Variants in CFAP44 observed in about 807,000 individuals in gnomAD.
The protein encoded by CFAP44 is cilia- and flagella-associated protein 44.
In CFAP44, 134 loss-of-function variants were observed where a neutral mutation model predicts 216.2. The observed-to-expected ratio is 0.62, with a 90% CI of 0.54 to 0.72. The LOEUF is 0.72. Among genes scored for constraint, CFAP44 ranks in the 30% least tolerant of loss-of-function variants. The pLI, the probability that CFAP44 is intolerant of heterozygous loss-of-function variation, is 0.00. For synonymous variants in CFAP44, 700 were observed against 727.6 expected (o/e 0.96, Z 0.61); for missense variants, 2,035 against 2,182.1 (o/e 0.93, Z 1.34).
intron 4 of CFAP44, among the ~76,000 whole-genome samples, chr3:113,422,239 AG>A (rs1411871345): frequency 6.6e-6 from 1 of 152,198 alleles, no homozygotes; most frequent in Admixed American, 6.5e-5. Context: ...GGATCATTGG[AG>A]GAATTTGTAT....
At chr3:113,349,053 A>T (rs1456601302) in intron 22 of CFAP44, among the ~76,000 whole-genome samples, 2 of 152,294 alleles carry the variant, frequency 1.3e-5, no homozygotes, top group Non-Finnish European at 2.9e-5. Flanking sequence ...CACCACTGGG[A>T]CCTCGACTCA....
At chr3:113,310,222 C>T (rs1385402797) in intron 28 of CFAP44, among the ~76,000 whole-genome samples, 3 of 152,156 alleles carry the variant, frequency 2.0e-5, no homozygotes, top group Non-Finnish European at 2.9e-5. Flanking sequence ...GACTTCCACT[C>T]CCAAGGTCAG....
intron 24 of CFAP44, among the ~76,000 whole-genome samples, chr3:113,337,733 G>C (rs1950292542): frequency 6.6e-6 from 1 of 152,068 alleles, no homozygotes; most frequent in Non-Finnish European, 1.5e-5. Flanking sequence ...AGAGTAATTG[G>C]ACATCCGTAA....
Position 113,291,618 on chromosome 3 carries a change from C to T in CFAP44, c.5504G>A (p.Ser1835Asn). 1 of 1,537,208 alleles carries T rather than the reference C, an allele frequency of 6.5e-7. No individual in the cohort carries two copies. The highest frequency in any genetic ancestry group is 8.7e-7 in the Non-Finnish European group (1 of 1,146,910). Reference protein sequence around the residue: ...EEIALLRRKGSLILPPIQSPR... With the variant: ...EEIALLRRKGNLILPPIQSPR... ...AGACTGAATGGGTGGGAGGATAAGACTGCCTTTCCTACGCAAAAGAGCAAT... is the reference window on the plus strand; with the variant it reads ...AGACTGAATGGGTGGGAGGATAAGATTGCCTTTCCTACGCAAAAGAGCAAT... The change falls in exon 35 of 35, where the codon AGT becomes AAT. Residue 1835 changes from serine to asparagine, a missense_variant. By Grantham distance (46) the Ser-to-Asn change is conservative. Coordinates refer to ENST00000393845, the MANE Select transcript of CFAP44 (RefSeq NM_001164496.2).
chr3:113,397,488 G>A (rs1350868680), intron 13 of CFAP44: 1 of 152,216 alleles, frequency 6.6e-6, no homozygotes, highest in Non-Finnish European at 1.5e-5. Flanking sequence ...GGGGGAAGTG[G>A]TAGTGACATG....
chr3:113,323,582 A>T (rs1033929066), intron 28 of CFAP44, among the ~76,000 whole-genome samples: 5 of 152,176 alleles, frequency 3.3e-5, no homozygotes, highest in African/African-American at 9.7e-5. Context: ...CTGTATCTAA[A>T]ATAAAAGCTG....
At chr3:113,314,598 T>C (rs1950070255) in intron 28 of CFAP44, among the ~76,000 whole-genome samples, 1 of 152,094 alleles carries the variant, frequency 6.6e-6, no homozygotes, top group African/African-American at 2.4e-5. Context: ...AAGAAGAACA[T>C]GATAAGCAAA....
Position 113,304,093 on chromosome 3 carries a change from T to C in CFAP44, c.4900A>G (p.Ile1634Val). Residue 1634 changes from isoleucine to valine, a missense_variant, in exon 32 of 35, where the codon ATA (isoleucine) becomes GTA (valine). By Grantham distance (29) the Ile-to-Val change is conservative. Around this residue, in one of 3 missense-constraint regions of CFAP44, gnomAD observed 1,883 missense variants for 2,023.7 expected, o/e 0.93. Coordinates refer to ENST00000393845, the MANE Select transcript of CFAP44 (RefSeq NM_001164496.2). ...HQIEYVVFGE[I>V]PSDLSGTLVF... ...AAAGTACCAGAAAGATCGCTAGGTA[T>C]TTCTCCAAATACCACATACTCTATC... 6.5e-7 allele frequency: 1 copy of C among 1,537,258 alleles called. No individual in the cohort carries two copies. Among genetic ancestry groups the C allele is most frequent in the South Asian group, 1.2e-5 (1 of 84,060 alleles).
intron 2 of CFAP44, chr3:113,429,014 A>G (rs1935034225): frequency 1.3e-5 from 2 of 152,254 alleles, no homozygotes; most frequent in Admixed American, 6.5e-5. Flanking sequence ...GATTGAGAAC[A>G]CTATAAGAAA....
Position 113,401,718 on chromosome 3 carries a change from C to T in CFAP44, c.1192G>A (p.Asp398Asn), listed in dbSNP as rs570164819. Residue 398 changes from aspartate (D) to asparagine (N), a missense_variant, in exon 10 of 35, where the codon GAC becomes AAC. Asp to Asn is a conservative substitution (Grantham distance 23). Around this residue, in one of 3 missense-constraint regions of CFAP44, gnomAD observed 1,883 missense variants for 2,023.7 expected, o/e 0.93. Coordinates refer to ENST00000393845, the MANE Select transcript of CFAP44 (RefSeq NM_001164496.2). ...GTCTCATCTATTACATCAGCAGTGT[C>T]TATTGTCTCAAAATCCCATATCTTG... ...YVRIWDFETI[D>N]TADVIDETGL... The T allele has an allele frequency of 6.8e-5, 109 of 1,610,572 alleles. 1 individual carries two copies. The South Asian group carries it at 1.1e-3, about 17-fold the overall frequency.
Position 113,330,270 on chromosome 3 carries a change from C to G in CFAP44, c.4014G>C (p.Lys1338Asn). The G allele has an allele frequency of 1.3e-6, 2 of 1,537,470 alleles. No homozygotes were observed. The highest frequency in any genetic ancestry group is 1.7e-6 in the Non-Finnish European group (2 of 1,146,936). ...GCTCTGCTTTTTCAAATTCCAAACA[C>G]TTTGGTATATCTAGGCTGAATGTTG... ...KASTFSLDIP[K>N]CLEFEKAEPT... Residue 1338 changes from lysine to asparagine, a missense_variant, in exon 26 of 35, where the codon AAG (lysine) becomes AAC (asparagine). Around this residue, in one of 3 missense-constraint regions of CFAP44, gnomAD observed 1,883 missense variants for 2,023.7 expected, o/e 0.93. Transcript: ENST00000393845.
intron 15 of CFAP44, among the ~76,000 whole-genome samples, chr3:113,393,105 C>T (rs763630108): frequency 6.6e-6 from 1 of 152,134 alleles, no homozygotes; most frequent in South Asian, 2.1e-4. Context: ...AAGCTTAATA[C>T]GTTATGCTCA....
rs114468573 is a variant in CFAP44, at chr3:113,347,157, C to T, written c.3066-2445G>A. 8.6e-3 allele frequency among the ~76,000 whole-genome samples: 1,316 copies of T among 152,264 alleles called. 18 individuals are homozygous for T. Among genetic ancestry groups the T allele is most frequent in the African/African-American group, 0.021 (889 of 41,552 alleles). ...GCCAGTTAAAAGTGACTAGCGTGGC[C>T]GCCGGACTAAAGACATGGGTGTCAG... is the stretch of plus-strand genomic sequence containing the variant. On this transcript the variant is annotated intron_variant, in intron 22 of 34. Transcript: ENST00000393845.
In CFAP44 at chr3:113,396,657, TC is replaced by T; in HGVS notation, c.1639del (p.Asp547IlefsTer21). 6 of 1,614,076 alleles carry T rather than the reference TC, an allele frequency of 3.7e-6. No individual in the cohort carries two copies. The highest frequency in any genetic ancestry group is 5.1e-6 in the Non-Finnish European group (6 of 1,179,998). On this transcript the variant is annotated frameshift_variant, in exon 14 of 35. Coordinates refer to ENST00000393845, the MANE Select transcript of CFAP44 (RefSeq NM_001164496.2). LOFTEE classifies it high-confidence loss of function. ...CGCAAAAATCGTGAGCCCTTTTGGA[TC>T]ATAAAGTTCAAGAATTCGAACAACT... ...DGVVRILELY[D>X]PKGLTIFAGR...
chr3:113,302,772 C>CAAAAAAAAAAAAAA (rs57355375), intron 32 of CFAP44, among the ~76,000 whole-genome samples: 2 of 44,506 alleles, frequency 4.5e-5, no homozygotes, highest in Admixed American at 2.4e-4. Flanking sequence ...GACTCCATCT[C>CAAAAAAAAAAAAAA]AAAAAAAAAA....
At position 113,366,249 on chromosome 3, in the gene CFAP44, T is replaced by G; in HGVS notation, c.2505A>C (p.Leu835=). 1 of 1,613,886 alleles carries G rather than the reference T, an allele frequency of 6.2e-7. No individual in the cohort carries two copies. The highest frequency in any genetic ancestry group is 8.5e-7 in the Non-Finnish European group (1 of 1,179,860). ...TGGTCAATGAAGGATCATTTTGATTTAGGACATAGACTCGAATTGCTCCAT... is the reference window on the plus strand; with the variant it reads ...TGGTCAATGAAGGATCATTTTGATTGAGGACATAGACTCGAATTGCTCCAT... ...MKNGAIRVYV[L]NQNDPSLTSL... The change falls in exon 19 of 35, where the codon CTA becomes CTC. Residue 835 remains leucine (L), a synonymous_variant. Transcript: ENST00000393845.
chr3:113,415,229 T>C (rs1934612090), intron 6 of CFAP44, among the ~76,000 whole-genome samples: 1 of 152,192 alleles, frequency 6.6e-6, no homozygotes, highest in African/African-American at 2.4e-5. Context: ...TACTTTTTAT[T>C]GCATCTATTT....
At chr3:113,298,268 G>A (rs1294258214) in intron 32 of CFAP44, among the ~76,000 whole-genome samples, 1 of 152,230 alleles carries the variant, frequency 6.6e-6, no homozygotes, top group Non-Finnish European at 1.5e-5. Flanking sequence ...GCTCAGTAGG[G>A]ACATAAAGTC....
At chr3:113,308,597 CT>C (rs1225734996) in intron 28 of CFAP44, among the ~76,000 whole-genome samples, 1 of 147,488 alleles carries the variant, frequency 6.8e-6, no homozygotes, top group Non-Finnish European at 1.5e-5. Flanking sequence ...TTTTTTTTTT[CT>C]TTTTTCTTTT....
Sources: gnomAD v4.1 joint callset for allele counts (sites outside exome capture counted in the v4.1 genomes callset) on GRCh38, gnomAD v4.1.1 for gene constraint, gnomAD v4.1.1 regional missense constraint, MANE v1.5 for transcripts, NCBI Gene and HGNC (gene_info 2026-07-23, HGNC 2026-07-21) for gene names.